The following UBN2 variants were observed in gnomAD, a reference collection of about 807,000 sequenced individuals.
UBN2 encodes the protein ubinuclein-2.
A neutral mutation model predicts 120.2 loss-of-function variants in UBN2; 35 were observed. That is an observed-to-expected ratio of 0.29 (90% CI 0.22 to 0.39). The LOEUF is 0.39. Ranked by LOEUF, UBN2 falls within the 10% of genes least tolerant of loss-of-function variation. The probability of loss-of-function intolerance (pLI) is 1.00; values close to 1 mark genes in which losing one functional copy is unlikely to be tolerated. For synonymous variants in UBN2, 661 were observed against 648.7 expected (o/e 1.02, Z -0.29); for missense variants, 1,693 against 1,663.2 (o/e 1.02, Z -0.31).
At position 139,283,404 on chromosome 7, in the gene UBN2, T is replaced by C. The variant is rs746847322; in HGVS notation, c.2499T>C (p.Ile833=). The change falls in exon 15 of 18, where the codon ATT becomes ATC. Residue 833 remains isoleucine, a synonymous_variant. Transcript: ENST00000473989. ...AGACTACACATTCTTCAAGTCTTAT[T>C]GCTGGTCACACAGGGCCAGTACCAA... ...STQTTHSSSL[I]AGHTGPVPKK... 2 of 1,613,950 alleles carry C rather than the reference T, an allele frequency of 1.2e-6. No homozygotes were observed. Among genetic ancestry groups the C allele is most frequent in the Admixed American group, 1.7e-5 (1 of 59,986 alleles).
At chr7:139,282,193 T>C in intron 14 of UBN2, 138 bp downstream of exon 14, 1 of 603,050 alleles carries the variant, frequency 1.7e-6, no homozygotes. Flanking sequence ...AAAAATAAAA[T>C]GAGTCAAATA....
chr7:139,311,269 T>C (rs1242456154), downstream of UBN2, among the ~76,000 whole-genome samples: 1 of 152,226 alleles, frequency 6.6e-6, no homozygotes, highest in Non-Finnish European at 1.5e-5. Flanking sequence ...GGGTGTCCGT[T>C]CTTCAGAAAA....
intron 15 of UBN2, among the ~76,000 whole-genome samples, chr7:139,289,017 A>T (rs962708506): frequency 1.3e-5 from 2 of 151,746 alleles, no homozygotes; most frequent in Admixed American, 6.6e-5. Flanking sequence ...AAAAAAAAAA[A>T]AAATTAATGC....
At chr7:139,281,069 TAA>T (rs1020665147) in intron 13 of UBN2, among the ~76,000 whole-genome samples, 1 of 152,228 alleles carries the variant, frequency 6.6e-6, no homozygotes, top group African/African-American at 2.4e-5. Context: ...ATTAGAATAC[TAA>T]AGTCTTAGTA....
chr7:139,235,783 T>G (rs1442351667), intron 1 of UBN2, among the ~76,000 whole-genome samples: 1 of 152,266 alleles, frequency 6.6e-6, no homozygotes, highest in African/African-American at 2.4e-5. Context: ...AAATTGATTT[T>G]AAAGTTAACT....
intron 6 of UBN2, among the ~76,000 whole-genome samples, chr7:139,262,276 G>A (rs1480406797): frequency 6.6e-6 from 1 of 150,978 alleles, no homozygotes; most frequent in African/African-American, 2.4e-5. Context: ...ATTTTTGTAT[G>A]CTTAGTAGAG....
chr7:139,266,552 G>T, intron 7 of UBN2, 149 bp downstream of exon 7: 1 of 471,622 alleles, frequency 2.1e-6, no homozygotes, highest in South Asian at 3.5e-5. Context: ...TTGTTTCTCA[G>T]CAAAATTATC....
At chr7:139,246,166 A>G (rs1051931516) in intron 2 of UBN2, among the ~76,000 whole-genome samples, 2 of 152,164 alleles carry the variant, frequency 1.3e-5, no homozygotes, top group African/African-American at 4.8e-5. Context: ...GGGGTTCGAG[A>G]CCAGCCTGGC....
chr7:139,290,136 A>G (rs944176397), intron 15 of UBN2, among the ~76,000 whole-genome samples: 8 of 152,146 alleles, frequency 5.3e-5, no homozygotes, highest in Admixed American at 1.3e-4. Context: ...AGAGACCACC[A>G]TGTTGGTCAG....
Position 139,284,008 on chromosome 7 carries a change from G to C in UBN2, c.3103G>C (p.Ala1035Pro), listed in dbSNP as rs769130689. 6.2e-7 allele frequency: 1 copy of C among 1,614,014 alleles called. No individual in the cohort carries two copies. Among genetic ancestry groups the C allele is most frequent in the South Asian group, 1.1e-5 (1 of 91,060 alleles). Reference sequence around the variant, plus strand: ...TTTCAAATCTCCCTTCTCGATGGCTGCCTCCCCAAAACTTGCCGCATCTCC... The same window carrying C: ...TTTCAAATCTCCCTTCTCGATGGCTCCCTCCCCAAAACTTGCCGCATCTCC... ...QGFKSPFSMAASPKLAASPKP... is the reference protein window; with the variant it reads ...QGFKSPFSMAPSPKLAASPKP... Residue 1035 changes from alanine to proline, a missense_variant, in exon 15 of 18, where the codon GCC (alanine) becomes CCC (proline). This residue lies in a region of UBN2 where 837 missense variants were observed against 817.6 expected (regional missense o/e 1.02). Coordinates refer to ENST00000473989, the MANE Select transcript of UBN2 (RefSeq NM_173569.4).
At position 139,284,170 on chromosome 7, in the gene UBN2, C is replaced by G; in HGVS notation, c.3265C>G (p.Pro1089Ala). The G allele has an allele frequency of 6.2e-7, 1 of 1,614,168 alleles. No individual in the cohort carries two copies. Among genetic ancestry groups the G allele is most frequent in the Non-Finnish European group, 8.5e-7 (1 of 1,180,032 alleles). ...SNPTPKPTVSPSSSSPNALVA... is the reference protein window; with the variant it reads ...SNPTPKPTVSASSSSPNALVA... ...CCCAACTCCCAAGCCTACTGTATCC[C>G]CAAGTAGTTCCAGTCCAAATGCACT... Residue 1089 changes from proline (P) to alanine (A), a missense_variant, in exon 15 of 18, where the codon CCA (proline) becomes GCA (alanine). Pro to Ala is a conservative substitution (Grantham distance 27). This residue lies in a region of UBN2 where 837 missense variants were observed against 817.6 expected (regional missense o/e 1.02). Coordinates refer to ENST00000473989, the MANE Select transcript of UBN2 (RefSeq NM_173569.4).
Position 139,297,805 on chromosome 7 carries a change from G to T in UBN2, c.4013G>T (p.Gly1338Val). ...QAFHDGGQSK[G>V]DTKLPRKSQ ...TTCTCAGATGGAGGCCAAAGTAAAG[G>T]GGACACTAAATTACCACGGAAATCT... Residue 1338 changes from glycine to valine, a missense_variant, in exon 18 of 18, where the codon GGG becomes GTG. By Grantham distance (109) the Gly-to-Val change is moderately radical. This residue lies in a region of UBN2 where 837 missense variants were observed against 817.6 expected (regional missense o/e 1.02). Coordinates refer to ENST00000473989, the MANE Select transcript of UBN2 (RefSeq NM_173569.4). 6.2e-7 allele frequency: 1 copy of T among 1,614,058 alleles called. No individual in the cohort carries two copies. Among genetic ancestry groups the T allele is most frequent in the Non-Finnish European group, 8.5e-7 (1 of 1,180,006 alleles).
chr7:139,257,313 A>G (rs752254759), intron 3 of UBN2, among the ~76,000 whole-genome samples: 3 of 152,204 alleles, frequency 2.0e-5, no homozygotes, highest in African/African-American at 7.2e-5. Flanking sequence ...GTCCTCAAGT[A>G]TGTGCTTTCT....
At chr7:139,240,575 A>G (rs1344931209) in intron 2 of UBN2, among the ~76,000 whole-genome samples, 1 of 151,846 alleles carries the variant, frequency 6.6e-6, no homozygotes, top group African/African-American at 2.4e-5. Flanking sequence ...CTATCACAAA[A>G]TCTCTCTCTT....
At chr7:139,322,438 T>C in the UBN2 span, among the ~76,000 whole-genome samples, 1 of 152,292 alleles carries the variant, frequency 6.6e-6, no homozygotes, top group East Asian at 1.9e-4. Flanking sequence ...AGTTGCTTTT[T>C]GTTCATACCT....
At chr7:139,309,494 A>C (rs1206145012), downstream of UBN2, among the ~76,000 whole-genome samples, 1 of 152,230 alleles carries the variant, frequency 6.6e-6, no homozygotes, top group African/African-American at 2.4e-5. Context: ...AACTATACTT[A>C]ACTGTGTTTT....
At chr7:139,252,285 T>G (rs563099515) in intron 3 of UBN2, among the ~76,000 whole-genome samples, 2 of 152,260 alleles carry the variant, frequency 1.3e-5, no homozygotes, top group East Asian at 3.9e-4. Context: ...ATTACATTGT[T>G]AAAATAGACC....
At position 139,231,806 on chromosome 7, in the gene UBN2, C is replaced by T. The variant is rs999735615; in HGVS notation, c.322C>T (p.Pro108Ser). 3 of 1,434,024 alleles carry T rather than the reference C, an allele frequency of 2.1e-6. No individual in the cohort carries two copies. The highest frequency in any genetic ancestry group is 1.5e-5 in the African/African-American group (1 of 67,904). The allele number at this position is 1,434,024 out of a possible 1,614,324, so 88.8% of individuals were successfully genotyped here. A position where few individuals can be genotyped will look rare whatever the true frequency, so the allele number is the denominator to read the frequency against. Residue 108 changes from proline to serine, a missense_variant, in exon 1 of 18, where the codon CCG becomes TCG. Pro to Ser is a moderately conservative substitution (Grantham distance 74). This residue lies in a region of UBN2 where 663 missense variants were observed against 591.2 expected (regional missense o/e 1.12). Coordinates refer to ENST00000473989, the MANE Select transcript of UBN2 (RefSeq NM_173569.4). ...PFPPLPLQPPPPRESASRAEQ... is the reference protein window; with the variant it reads ...PFPPLPLQPPSPRESASRAEQ... ...CCCGCCGCTGCCCTTGCAGCCGCCCCCGCCGCGGGAGTCGGCTTCCCGGGC... is the reference window on the plus strand; with the variant it reads ...CCCGCCGCTGCCCTTGCAGCCGCCCTCGCCGCGGGAGTCGGCTTCCCGGGC...
In UBN2 at chr7:139,298,555, CTT is replaced by C. The variant is rs1025583896; in HGVS notation, c.*723_*724del. The C allele has an allele frequency of 2.6e-5, 4 of 151,818 alleles. No homozygotes were observed. Among genetic ancestry groups the C allele is most frequent in the African/African-American group, 9.7e-5 (4 of 41,344 alleles). The allele number at this position is 151,818 out of a possible 1,614,324, so 9.4% of individuals were successfully genotyped here. A position where few individuals can be genotyped will look rare whatever the true frequency, so the allele number is the denominator to read the frequency against. On this transcript the variant is annotated 3_prime_UTR_variant, in exon 18 of 18. Coordinates refer to ENST00000473989, the MANE Select transcript of UBN2 (RefSeq NM_173569.4). ...TTAAGAGATGAAACCTAGATGTCCC[CTT>C]TTTGTAAAAGGGTCAATTTCATCTT...
Sources: gnomAD v4.1 joint callset for allele counts (sites outside exome capture counted in the v4.1 genomes callset) on GRCh38, gnomAD v4.1.1 for gene constraint, gnomAD v4.1.1 regional missense constraint, MANE v1.5 for transcripts, NCBI Gene and HGNC (gene_info 2026-07-23, HGNC 2026-07-21) for gene names.